Variants in EYS observed in about 807,000 individuals in gnomAD.
EYS encodes protein eyes shut homolog.
EYS carries 250 observed loss-of-function variants against 282.1 expected under a neutral mutation model. The ratio of observed to expected loss-of-function variants is 0.89; its 90% confidence interval spans 0.80 to 0.98. EYS has a LOEUF of 0.98. Ranked by LOEUF, EYS falls within the 50% of genes least tolerant of loss-of-function variation. The pLI is 0.00. For missense variants in EYS, 4,016 were observed against 3,709.0 expected, an observed-to-expected ratio of 1.08 and a Z score of -2.15; for synonymous variants, 1,355 against 1,282.9, an observed-to-expected ratio of 1.06 and a Z score of -1.20.
chr6:64,673,153 A>T (rs1196184774), intron 22 of EYS, among the ~76,000 whole-genome samples: 1 of 152,136 alleles, frequency 6.6e-6, no homozygotes, highest in African/African-American at 2.4e-5. Flanking sequence ...AAAATGCCAT[A>T]GAATTTCATA....
chr6:64,978,763 C>T (rs1474580684), intron 14 of EYS, among the ~76,000 whole-genome samples: 1 of 151,800 alleles, frequency 6.6e-6, no homozygotes, highest in Non-Finnish European at 1.5e-5. Context: ...TTCCAATGTT[C>T]ACAGAAGACT....
chr6:64,793,956 A>G (rs1017996397), intron 22 of EYS, among the ~76,000 whole-genome samples: 2 of 152,206 alleles, frequency 1.3e-5, no homozygotes, highest in African/African-American at 2.4e-5. Context: ...TTTATTTTGC[A>G]TAACAAAAAC....
intron 41 of EYS, among the ~76,000 whole-genome samples, chr6:63,760,580 C>T (rs1769606785): frequency 6.6e-6 from 1 of 151,938 alleles, no homozygotes; most frequent in African/African-American, 2.4e-5. Context: ...ATCTTCTAGA[C>T]TTTCTTTCTG....
At chr6:64,636,967 TAGGAACACTTC>T (rs1768005486) in intron 22 of EYS, among the ~76,000 whole-genome samples, 16 of 128,160 alleles carry the variant, frequency 1.2e-4, no homozygotes, top group Admixed American at 8.3e-5. Flanking sequence ...TATGGAGAAA[TAGGAACACTTC>T]TTTTACACTG....
chr6:63,873,738 A>G (rs1209628712), intron 35 of EYS, among the ~76,000 whole-genome samples: 1 of 152,116 alleles, frequency 6.6e-6, no homozygotes, highest in Non-Finnish European at 1.5e-5. Flanking sequence ...TTTGATTTGC[A>G]TTTCTCTGAT....
chr6:65,038,142 G>A (rs1427578703), intron 13 of EYS, among the ~76,000 whole-genome samples: 2 of 151,496 alleles, frequency 1.3e-5, no homozygotes, highest in Admixed American at 1.3e-4. Flanking sequence ...TAGCTAAAAT[G>A]TACACATAAG....
intron 37 of EYS, among the ~76,000 whole-genome samples, chr6:63,799,979 T>C (rs1002817813): frequency 2.0e-4 from 31 of 151,988 alleles, no homozygotes; most frequent in Non-Finnish European, 3.8e-4. Flanking sequence ...ACTGTTGGAG[T>C]CGAGAAGCTG....
At position 64,230,760 on chromosome 6, in the gene EYS, C is replaced by A; in HGVS notation, c.6256G>T (p.Val2086Phe). The change falls in exon 31 of 43, where the codon GTT becomes TTT. Residue 2086 changes from valine to phenylalanine, a missense_variant. Transcript: ENST00000503581. ...CTGACAGAAGTCCACATGGTATCAA[C>A]CCCTTGTGTCACATCAGAAGCATCA... Reference protein sequence around the residue: ...FVDASDVTQGVDTMWTSVSPS... With the variant: ...FVDASDVTQGFDTMWTSVSPS... The A allele has an allele frequency of 6.4e-7, 1 of 1,551,550 alleles. No individual in the cohort carries two copies. Among genetic ancestry groups the A allele is most frequent in the East Asian group, 2.4e-5 (1 of 40,912 alleles).
intron 12 of EYS, among the ~76,000 whole-genome samples, chr6:65,085,862 A>G (rs780209453): frequency 2.0e-5 from 3 of 151,984 alleles, no homozygotes; most frequent in African/African-American, 2.4e-5. Context: ...CTCCAACTCT[A>G]TACTTGCATA....
At chr6:65,092,121 T>G (rs1774591433) in intron 12 of EYS, among the ~76,000 whole-genome samples, 1 of 152,156 alleles carries the variant, frequency 6.6e-6, no homozygotes. Context: ...AATATAAAAA[T>G]ACAATTACCA....
intron 8 of EYS, among the ~76,000 whole-genome samples, chr6:65,376,210 G>A (rs905577554): frequency 6.6e-6 from 1 of 152,104 alleles, no homozygotes; most frequent in Admixed American, 6.5e-5. Flanking sequence ...GAAAAGAGTG[G>A]TGCCCAATAG....
intron 12 of EYS, among the ~76,000 whole-genome samples, chr6:65,141,688 T>G (rs1018301400): frequency 3.5e-5 from 5 of 141,566 alleles, no homozygotes; most frequent in Non-Finnish European, 7.8e-5. Context: ...TCTATCTATC[T>G]AGAAAGGAAT....
At chr6:63,770,839 G>A (rs1769910234) in intron 40 of EYS, among the ~76,000 whole-genome samples, 1 of 152,130 alleles carries the variant, frequency 6.6e-6, no homozygotes, top group Admixed American at 6.6e-5. Context: ...ATCGTACACT[G>A]GAATGTGATG....
At chr6:64,316,403 A>C (rs1490072994) in intron 29 of EYS, among the ~76,000 whole-genome samples, 1 of 152,184 alleles carries the variant, frequency 6.6e-6, no homozygotes, top group Non-Finnish European at 1.5e-5. Context: ...AAAAATCACA[A>C]GTATTCCTAT....
intron 6 of EYS, 100 bp from the exon 7 acceptor site, chr6:65,402,705 A>C: frequency 1.3e-6 from 1 of 779,358 alleles, no homozygotes; most frequent in Non-Finnish European, 2.1e-6. Context: ...ATTTTCATGA[A>C]CTTGGAGTAG....
chr6:64,961,707 C>T (rs1769926039), intron 14 of EYS, among the ~76,000 whole-genome samples: 1 of 151,922 alleles, frequency 6.6e-6, no homozygotes, highest in Admixed American at 6.5e-5. Context: ...CATCATTAAT[C>T]CTCTCCCAAC....
At chr6:64,026,472 G>T (rs1403280326) in intron 33 of EYS, among the ~76,000 whole-genome samples, 1 of 152,156 alleles carries the variant, frequency 6.6e-6, no homozygotes, top group Non-Finnish European at 1.5e-5. Flanking sequence ...TCTGCACTAT[G>T]ACTTGGCCCC....
rs746039939 is a variant in EYS, at chr6:65,405,363, T to C, written c.867A>G (p.Pro289=). 48 of 1,594,892 alleles carry C rather than the reference T, an allele frequency of 3.0e-5. 1 individual carries two copies. The South Asian group carries it at 4.7e-4, about 16-fold the overall frequency. Residue 289 remains proline, a synonymous_variant, in exon 6 of 43, where the codon CCA becomes CCG. Coordinates refer to ENST00000503581, the MANE Select transcript of EYS (RefSeq NM_001142800.2). ...ICECDEQFSG[P]FCEVSAKPCV... ...AAGGTTTTGCTGACACCTCACAGAA[T>C]GGACCTTAAAAAAATCACACACAAG...
At chr6:64,493,879 C>T (rs1006153796) in intron 26 of EYS, among the ~76,000 whole-genome samples, 2 of 151,454 alleles carry the variant, frequency 1.3e-5, no homozygotes, top group Non-Finnish European at 3.0e-5. Flanking sequence ...GTAGATTTTT[C>T]CTTCTTTTCA....
Sources: allele counts gnomAD v4.1 joint callset (sites outside exome capture counted in the v4.1 genomes callset), GRCh38; gene constraint gnomAD v4.1.1; transcripts MANE v1.5; gene names NCBI Gene and HGNC (gene_info 2026-07-23, HGNC 2026-07-21).